ST3GAL1: variants seen among roughly 807,000 people sequenced by gnomAD.
ST3GAL1 encodes ST3 beta-galactoside alpha-2,3-sialyltransferase 1.
In ST3GAL1, 16 loss-of-function variants were observed where a neutral mutation model predicts 34.1. The ratio of observed to expected loss-of-function variants is 0.47; its 90% CI spans 0.32 to 0.71. The LOEUF (loss-of-function observed/expected upper bound fraction) is 0.71. Ranked by LOEUF, ST3GAL1 falls within the 30% of genes least tolerant of loss-of-function variation. The pLI is 0.04. For synonymous variants in ST3GAL1, 191 were observed against 184.7 expected, an observed-to-expected ratio of 1.03 and a Z score of -0.28; for missense variants, 353 against 447.4, an observed-to-expected ratio of 0.79 and a Z score of 1.90.
At chr8:133,513,468 C>T (rs1817554281) in intron 2 of ST3GAL1, among the ~76,000 whole-genome samples, 1 of 152,200 alleles carries the variant, frequency 6.6e-6, no homozygotes, top group South Asian at 2.1e-4. Context: ...GAAGAAAAGA[C>T]TGAACACATA....
intron 8 of ST3GAL1, among the ~76,000 whole-genome samples, chr8:133,462,451 C>T (rs538394893): frequency 3.9e-5 from 6 of 152,182 alleles, no homozygotes; most frequent in Non-Finnish European, 8.8e-5. Context: ...TTTCCCTCTC[C>T]TCATGCTGCA....
intron 1 of ST3GAL1, among the ~76,000 whole-genome samples, chr8:133,557,904 CAAAAAAAAAAA>C (rs543479046): frequency 1.9e-3 from 122 of 65,396 alleles, no homozygotes; most frequent in African/African-American, 4.8e-3. Flanking sequence ...GACTCCGTCT[CAAAAAAAAAAA>C]AAAAAAAAAG....
At position 133,494,981 on chromosome 8, in the gene ST3GAL1, C is replaced by T. The variant is rs542530085; in HGVS notation, c.-374+4154G>A. On this transcript the variant is annotated intron_variant, in intron 3 of 9. Coordinates refer to ENST00000522652, the MANE Select transcript of ST3GAL1 (RefSeq NM_173344.3). ...TCACCCAGGCTGGAGTGCAGTGGCA[C>T]GACCTTGGCTCACTGCAACCTTCAC... 4.8e-5 allele frequency among the ~76,000 whole-genome samples: 7 copies of T among 145,724 alleles called. No homozygotes were observed. In the South Asian group the frequency reaches 8.8e-4, roughly 18 times the overall value.
At chr8:133,536,580 G>A (rs924481849) in intron 2 of ST3GAL1, among the ~76,000 whole-genome samples, 33 of 152,198 alleles carry the variant, frequency 2.2e-4, no homozygotes, top group Non-Finnish European at 1.0e-4. Flanking sequence ...CTCTGCTGCA[G>A]CCAGACGGTC....
chr8:133,519,668 G>A (rs1036057880), intron 2 of ST3GAL1, among the ~76,000 whole-genome samples: 20 of 152,160 alleles, frequency 1.3e-4, no homozygotes, highest in Non-Finnish European at 2.5e-4. Flanking sequence ...AAAGGAGGCC[G>A]GGCTCGGGAG....
chr8:133,561,108 C>CTTTT (rs765993286), intron 1 of ST3GAL1, among the ~76,000 whole-genome samples: 149 of 106,038 alleles, frequency 1.4e-3, no homozygotes, highest in East Asian at 2.5e-3. Context: ...CCAGAGCCAT[C>CTTTT]TTTTTTTTTT....
At chr8:133,478,023 C>T (rs145288232) in intron 3 of ST3GAL1, among the ~76,000 whole-genome samples, 9 of 152,270 alleles carry the variant, frequency 5.9e-5, no homozygotes, top group Non-Finnish European at 1.3e-4. Context: ...AGAAGCCCAA[C>T]GTATGGAGGA....
intron 3 of ST3GAL1, among the ~76,000 whole-genome samples, chr8:133,481,583 C>A (rs964735913): frequency 2.0e-5 from 3 of 152,174 alleles, no homozygotes; most frequent in Non-Finnish European, 4.4e-5. Flanking sequence ...ATTACCTCCA[C>A]CTCCTGGGTT....
chr8:133,509,706 G>A (rs1301816500), intron 2 of ST3GAL1, among the ~76,000 whole-genome samples: 1 of 152,246 alleles, frequency 6.6e-6, no homozygotes, highest in Non-Finnish European at 1.5e-5. Context: ...CGAGGTCAGT[G>A]AGGGAAGCAG....
At chr8:133,532,211 C>T (rs1216764689) in intron 2 of ST3GAL1, among the ~76,000 whole-genome samples, 1 of 152,144 alleles carries the variant, frequency 6.6e-6, no homozygotes, top group East Asian at 1.9e-4. Flanking sequence ...GTGGCTTACA[C>T]CTGTAATCCC....
chr8:133,547,343 T>C (rs1818700572), intron 1 of ST3GAL1, among the ~76,000 whole-genome samples: 1 of 151,982 alleles, frequency 6.6e-6, no homozygotes, highest in African/African-American at 2.4e-5. Context: ...TGACTACCAC[T>C]CACTGCAGCC....
At chr8:133,564,693 CCT>C (rs1819340766) in intron 1 of ST3GAL1, among the ~76,000 whole-genome samples, 1 of 152,150 alleles carries the variant, frequency 6.6e-6, no homozygotes, top group African/African-American at 2.4e-5. Flanking sequence ...CCCACACCGC[CCT>C]GTCTAAATCT....
intron 2 of ST3GAL1, among the ~76,000 whole-genome samples, chr8:133,504,000 C>G (rs779384747): frequency 1.3e-5 from 2 of 152,164 alleles, no homozygotes; most frequent in Non-Finnish European, 2.9e-5. Context: ...GAGGCTGGTC[C>G]TGCTCAGGGA....
intron 3 of ST3GAL1, among the ~76,000 whole-genome samples, chr8:133,484,156 G>T (rs1294171434): frequency 6.6e-6 from 1 of 152,106 alleles, no homozygotes; most frequent in Non-Finnish European, 1.5e-5. Context: ...CAGAATATGG[G>T]TATTGGGGGT....
intron 2 of ST3GAL1, among the ~76,000 whole-genome samples, chr8:133,522,407 G>A (rs1586638813): frequency 6.6e-6 from 1 of 152,290 alleles, no homozygotes; most frequent in African/African-American, 2.4e-5. Context: ...CAGGCACAGT[G>A]TGGTTTGATC....
Position 133,510,629 on chromosome 8 carries a change from CTAAT to C in ST3GAL1, c.-428-11444_-428-11441del, listed in dbSNP as rs535748659. ...TGCATTAATTAACTAATTAGTGCCA[CTAAT>C]TAATTAGCTAATTAATTAAAATAAT... On this transcript the variant is annotated intron_variant, in intron 2 of 9. Transcript: ENST00000522652. 1.4e-4 allele frequency among the ~76,000 whole-genome samples: 22 copies of C among 152,164 alleles called. No homozygotes were observed. In the South Asian group the frequency reaches 2.5e-3, roughly 17 times the overall value.
chr8:133,545,078 C>T (rs1327274591), intron 2 of ST3GAL1, among the ~76,000 whole-genome samples: 5 of 152,240 alleles, frequency 3.3e-5, no homozygotes, highest in African/African-American at 9.6e-5. Flanking sequence ...CTACTAAGCA[C>T]ATGAACTGTG....
At chr8:133,484,711 G>C (rs550299219) in intron 3 of ST3GAL1, among the ~76,000 whole-genome samples, 1 of 152,182 alleles carries the variant, frequency 6.6e-6, no homozygotes, top group East Asian at 1.9e-4. Context: ...AAGAAACCTG[G>C]GCCAAGTGAG....
In ST3GAL1 at chr8:133,525,051, C is replaced by T. The variant is rs192896545; in HGVS notation, c.-429+20723G>A. ...GTTTGTGTTACAGCTCTTTCAGTCC[C>T]ACCATTCAGCGGGTCCTGAGTTCTT... On this transcript the variant is annotated intron_variant, in intron 2 of 9. Coordinates refer to ENST00000522652, the MANE Select transcript of ST3GAL1 (RefSeq NM_173344.3). Among the ~76,000 whole-genome samples the T allele has an allele frequency of 3.2e-3, 493 of 152,348 alleles. 1 individual carries two copies. Among genetic ancestry groups the T allele is most frequent in the African/African-American group, 0.011 (466 of 41,586 alleles).
Sources: gnomAD v4.1 joint callset for allele counts (sites outside exome capture counted in the v4.1 genomes callset) on GRCh38, gnomAD v4.1.1 for gene constraint, MANE v1.5 for transcripts, NCBI Gene and HGNC (gene_info 2026-07-23, HGNC 2026-07-21) for gene names.